PEX1: variants seen among roughly 807,000 people sequenced by gnomAD.
PEX1 encodes the protein peroxisomal biogenesis factor 1, also known as peroxisomal ATPase PEX1.
PEX1 carries 97 observed loss-of-function variants against 152.5 expected under a neutral mutation model. That is an observed-to-expected ratio of 0.64 (90% CI 0.54 to 0.75). The LOEUF (loss-of-function observed/expected upper bound fraction) is 0.75. Ranked by LOEUF, PEX1 falls within the 30% of genes least tolerant of loss-of-function variation. The pLI, the probability that PEX1 is intolerant of heterozygous loss-of-function variation, is 0.00. For synonymous variants in PEX1, 485 were observed against 531.6 expected (o/e 0.91, Z 1.21); for missense variants, 1,357 against 1,516.3 (o/e 0.89, Z 1.74).
intron 20 of PEX1, 116 bp downstream of exon 20, chr7:92,492,837 T>C (rs1791413414): frequency 1.2e-6 from 1 of 812,574 alleles, no homozygotes; most frequent in Non-Finnish European, 2.2e-6. Context: ...AATTTATGTT[T>C]CTATACAGTT....
chr7:92,528,212 C>T, intron 1 of PEX1, 95 bp downstream of exon 1: 8 of 1,511,076 alleles, frequency 5.3e-6, no homozygotes, highest in South Asian at 2.4e-5. Context: ...TCGGCGGCGC[C>T]CGGGTGGCAG....
At chr7:92,528,059 T>C (rs567615134) in intron 1 of PEX1, among the ~76,000 whole-genome samples, 2 of 152,344 alleles carry the variant, frequency 1.3e-5, no homozygotes, top group African/African-American at 4.8e-5. Flanking sequence ...AAAACAGTGG[T>C]AGAATATTAG....
chr7:92,489,627 G>A lies in PEX1; in HGVS notation c.3636+87C>T, dbSNP rs760928758. On this transcript the variant is annotated intron_variant, in intron 22 of 23. Transcript: ENST00000248633. ...GGTCCCTTGTTTATAAATATAGCTC[G>A]TTTATAAGTCAAAGAAATATATATC... 2.6e-4 allele frequency: 329 copies of A among 1,246,298 alleles called. 1 individual carries two copies. The highest frequency in any genetic ancestry group is 3.8e-4 in the Middle Eastern group (2 of 5,290). 77.2% of individuals were successfully genotyped at this position (1,246,298 alleles called of 1,614,324 possible).
intron 23 of PEX1, 55 bp from the exon 24 acceptor site, chr7:92,487,596 A>C (rs1790999894): frequency 1.3e-6 from 1 of 766,488 alleles, no homozygotes; most frequent in South Asian, 1.8e-5. Flanking sequence ...TACAAAACAA[A>C]AGATAATGGA....
chr7:92,496,843 T>G, intron 16 of PEX1, 66 bp from the exon 17 acceptor site: 1 of 968,972 alleles, frequency 1.0e-6, no homozygotes. Flanking sequence ...GGTTTCTGAC[T>G]AAGTCTAAAT....
intron 17 of PEX1, among the ~76,000 whole-genome samples, chr7:92,495,627 C>T (rs1791616577): frequency 6.6e-6 from 1 of 152,076 alleles, no homozygotes; most frequent in African/African-American, 2.4e-5. Context: ...TTATCTTTTA[C>T]ATTTCTGGGA....
intron 11 of PEX1, among the ~76,000 whole-genome samples, chr7:92,505,283 T>C (rs1030590692): frequency 1.3e-5 from 2 of 151,770 alleles, no homozygotes; most frequent in Non-Finnish European, 2.9e-5. Flanking sequence ...TGTGGTGGCA[T>C]GCACCTGTAG....
intron 13 of PEX1, among the ~76,000 whole-genome samples, chr7:92,502,478 A>G (rs559455900): frequency 6.6e-6 from 1 of 152,266 alleles, no homozygotes; most frequent in South Asian, 2.1e-4. Context: ...GGTTCCTATA[A>G]AACTTATTTC....
Position 92,528,517 on chromosome 7 carries a change from G to A in PEX1, c.-82C>T. On this transcript the variant is annotated 5_prime_UTR_variant, in exon 1 of 24. Coordinates refer to ENST00000248633, the MANE Select transcript of PEX1 (RefSeq NM_000466.3). ...CCGGCAGGCCGAGGACGTCGGAGCCGGAGGAGATCGATCGGCCCCGCCCCC... is the reference window on the plus strand; with the variant it reads ...CCGGCAGGCCGAGGACGTCGGAGCCAGAGGAGATCGATCGGCCCCGCCCCC... 6.8e-7 allele frequency: 1 copy of A among 1,465,320 alleles called. No homozygotes were observed. The highest frequency in any genetic ancestry group is 9.0e-7 in the Non-Finnish European group (1 of 1,108,656). 90.8% of individuals were successfully genotyped at this position (1,465,320 alleles called of 1,614,324 possible). A position where few individuals can be genotyped will look rare whatever the true frequency, so the allele number is the denominator to read the frequency against.
intron 17 of PEX1, among the ~76,000 whole-genome samples, chr7:92,494,954 CAG>C (rs943157720): frequency 6.6e-6 from 1 of 151,750 alleles, no homozygotes; most frequent in African/African-American, 2.4e-5. Flanking sequence ...GATAGACTAA[CAG>C]GGATCAAAAC....
rs531160481 is a variant in PEX1 at position 92,492,915 on chromosome 7, C to T, written c.3207+38G>A. ...TTTTGACATTGTACTTCTTTTATCA[C>T]TCATAAAATGTCATAACAACTTCCT... On this transcript the variant is annotated intron_variant, in intron 20 of 23. Coordinates refer to ENST00000248633, the MANE Select transcript of PEX1 (RefSeq NM_000466.3). 59 of 1,503,116 alleles carry T rather than the reference C, an allele frequency of 3.9e-5. No individual in the cohort carries two copies. The South Asian group carries it at 4.4e-4, about 11-fold the overall frequency. 93.1% of individuals were successfully genotyped at this position (1,503,116 alleles called of 1,614,324 possible). A position where few individuals can be genotyped will look rare whatever the true frequency, so the allele number is the denominator to read the frequency against.
chr7:92,504,114 C>A (rs1210794721), intron 12 of PEX1, among the ~76,000 whole-genome samples: 1 of 152,040 alleles, frequency 6.6e-6, no homozygotes, highest in African/African-American at 2.4e-5. Flanking sequence ...CTCCAAAAAG[C>A]CTTCCCTGAT....
In PEX1 at chr7:92,501,623, G is replaced by A; in HGVS notation, c.2467C>T (p.Pro823Ser). 2.5e-6 allele frequency: 4 copies of A among 1,613,944 alleles called. No individual in the cohort carries two copies. Among genetic ancestry groups the A allele is most frequent in the Non-Finnish European group, 3.4e-6 (4 of 1,179,868 alleles). ...AGGTTGACACTTCGCAAAGACGCAGGAAGAAATCCGCGGAGAGCCTTTTGG... is the reference window on the plus strand; with the variant it reads ...AGGTTGACACTTCGCAAAGACGCAGAAAGAAATCCGCGGAGAGCCTTTTGG... Reference protein sequence around the residue: ...DFQKALRGFLPASLRSVNLHK... With the variant: ...DFQKALRGFLSASLRSVNLHK... The change falls in exon 15 of 24, where the codon CCT (proline) becomes TCT (serine). Residue 823 changes from proline to serine, a missense_variant. Pro to Ser is a moderately conservative substitution (Grantham distance 74, BLOSUM62 -1). Transcript: ENST00000248633.
chr7:92,491,497 T>C lies in PEX1; in HGVS notation c.3213A>G (p.Gly1071=), dbSNP rs771643382. ...GMLLSSGLQD[G]SSSSDSDLSL... Reference sequence around the variant, plus strand: ...TTAGGTCACTATCAGAGCTGGAACTTCCATCCTAAAATACACAAAAGGACA... The same window carrying C: ...TTAGGTCACTATCAGAGCTGGAACTCCCATCCTAAAATACACAAAAGGACA... Residue 1071 remains glycine (G), a synonymous_variant, in exon 21 of 24, where the codon GGA becomes GGG. Coordinates refer to ENST00000248633, the MANE Select transcript of PEX1 (RefSeq NM_000466.3). 1.9e-6 allele frequency: 3 copies of C among 1,598,396 alleles called. No homozygotes were observed. In the African/African-American group the frequency reaches 4.0e-5, roughly 21 times the overall value.
chr7:92,498,796 T>TA (rs1791781423), intron 16 of PEX1, among the ~76,000 whole-genome samples: 1 of 152,198 alleles, frequency 6.6e-6, no homozygotes, highest in Non-Finnish European at 1.5e-5. Flanking sequence ...AATGGTGAGA[T>TA]ATAGTCAAAA....
rs1791672732 is a variant in PEX1, at chr7:92,496,765, G to A, written c.2731C>T (p.Leu911Phe). Residue 911 changes from leucine to phenylalanine, a missense_variant, in exon 17 of 24, where the codon CTC becomes TTC. Leu to Phe is a conservative substitution (Grantham distance 22, BLOSUM62 0). Coordinates refer to ENST00000248633, the MANE Select transcript of PEX1 (RefSeq NM_000466.3). ...NFISVKGPELLSKYIGASEQA... is the reference protein window; with the variant it reads ...NFISVKGPELFSKYIGASEQA... ...TCACTTGCTCCAATGTATTTGCTGA[G>A]TAACTCTGGCCCCTATTGGGTAAAA... is the stretch of plus-strand genomic sequence containing the variant. 6.2e-7 allele frequency: 1 copy of A among 1,606,596 alleles called. No homozygotes were observed. Among genetic ancestry groups the A allele is most frequent in the Non-Finnish European group, 8.5e-7 (1 of 1,173,348 alleles).
At chr7:92,511,102 AT>A in intron 7 of PEX1, 55 bp from the exon 8 acceptor site, 1 of 863,158 alleles carries the variant, frequency 1.2e-6, no homozygotes, top group Non-Finnish European at 1.9e-6. Flanking sequence ...AGATGAAATA[AT>A]TTAAGATTTT....
In PEX1 at chr7:92,522,275, G is replaced by A. The variant is rs1793084343; in HGVS notation, c.130-30C>T. On this transcript the variant is annotated intron_variant, in intron 1 of 23. Coordinates refer to ENST00000248633, the MANE Select transcript of PEX1 (RefSeq NM_000466.3). ...TCATATAAGAAATGAGAGGAAAAAAGGTTTTCGTATACATTTTTCTGGATT... is the reference window on the plus strand; with the variant it reads ...TCATATAAGAAATGAGAGGAAAAAAAGTTTTCGTATACATTTTTCTGGATT... 3 of 1,607,664 alleles carry A rather than the reference G, an allele frequency of 1.9e-6. No homozygotes were observed. In the South Asian group the frequency reaches 3.3e-5, roughly 18 times the overall value.
chr7:92,498,065 A>C (rs1397841278), intron 16 of PEX1, among the ~76,000 whole-genome samples: 1 of 137,494 alleles, frequency 7.3e-6, no homozygotes, highest in Admixed American at 7.2e-5. Flanking sequence ...ACTCAGTCTC[A>C]GAGAAAAAAA....
Sources: gnomAD v4.1 joint callset for allele counts (sites outside exome capture counted in the v4.1 genomes callset) on GRCh38, gnomAD v4.1.1 for gene constraint, MANE v1.5 for transcripts, NCBI Gene and HGNC (gene_info 2026-07-23, HGNC 2026-07-21) for gene names.